The following PIP5K1B variants were observed in gnomAD, a reference collection of about 807,000 sequenced individuals.
PIP5K1B encodes phosphatidylinositol-4-phosphate 5-kinase type 1 beta.
PIP5K1B carries 42 observed loss-of-function variants against 67.0 expected under a neutral mutation model. The observed-to-expected ratio is 0.63, with a 90% CI of 0.49 to 0.81. The LOEUF is 0.81. Ranked by LOEUF, PIP5K1B falls within the 30% of genes least tolerant of loss-of-function variation. The pLI, the probability that PIP5K1B is intolerant of heterozygous loss-of-function variation, is 0.00. For missense variants in PIP5K1B, 459 were observed against 646.3 expected (o/e 0.71, Z 3.14); for synonymous variants, 214 against 231.4 (o/e 0.92, Z 0.68).
intron 4 of PIP5K1B, among the ~76,000 whole-genome samples, chr9:68,859,453 G>A (rs1445662869): frequency 6.6e-6 from 1 of 152,098 alleles, no homozygotes; most frequent in Non-Finnish European, 1.5e-5. Flanking sequence ...GCAAAAACCT[G>A]AATTAAAAAT....
intron 4 of PIP5K1B, among the ~76,000 whole-genome samples, chr9:68,861,902 GT>G (rs78242259): frequency 0.12 from 17,940 of 145,604 alleles, 1,196 homozygotes; most frequent in Middle Eastern, 0.17. Context: ...TTTGTTTTTT[GT>G]TTTTTTTTTT....
chr9:68,929,450 G>A (rs1826882306), intron 12 of PIP5K1B, among the ~76,000 whole-genome samples: 2 of 152,178 alleles, frequency 1.3e-5, no homozygotes, highest in African/African-American at 4.8e-5. Context: ...TCAACGATCT[G>A]TCTCTCTTCA....
At chr9:68,857,645 C>T (rs1288218861) in intron 4 of PIP5K1B, among the ~76,000 whole-genome samples, 1 of 152,136 alleles carries the variant, frequency 6.6e-6, no homozygotes, top group Admixed American at 6.6e-5. Context: ...GCAGGAGAAT[C>T]TCTTGAGGTC....
rs538923281 is a variant in PIP5K1B, at chr9:68,759,370, T to C, written c.-86+16713T>C. 2.6e-5 allele frequency among the ~76,000 whole-genome samples: 4 copies of C among 152,244 alleles called. No homozygotes were observed. The South Asian group carries it at 8.3e-4, about 32-fold the overall frequency. On this transcript the variant is annotated intron_variant, in intron 2 of 15. Transcript: ENST00000265382. ...TTACATTCCAGTTGAAGTGGTAAGA[T>C]ACTCTTAAGTAGACTGTTAAAAATT...
Position 68,888,991 on chromosome 9 carries a change from G to A in PIP5K1B, c.329G>A (p.Cys110Tyr). The A allele has an allele frequency of 6.2e-7, 1 of 1,607,734 alleles. No individual in the cohort carries two copies. The highest frequency in any genetic ancestry group is 1.3e-5 in the African/African-American group (1 of 74,914). ...IKPDDYLYSI[C>Y]SEPLIELSNP... ...CATTTACCCTTTTAGTATTCCATCTGCAGTGAACCTCTAATAGAACTGTCT... is the reference window on the plus strand; with the variant it reads ...CATTTACCCTTTTAGTATTCCATCTACAGTGAACCTCTAATAGAACTGTCT... The change falls in exon 7 of 16, where the codon TGC becomes TAC. Residue 110 changes from cysteine to tyrosine, a missense_variant. Physicochemically the swap from Cys to Tyr is radical, Grantham distance 194. Around this residue, in one of 2 missense-constraint regions of PIP5K1B, gnomAD observed 290 missense variants for 474.4 expected, o/e 0.61. Transcript: ENST00000265382.
intron 8 of PIP5K1B, among the ~76,000 whole-genome samples, chr9:68,913,428 T>G (rs1394112596): frequency 6.6e-6 from 1 of 152,232 alleles, no homozygotes; most frequent in African/African-American, 2.4e-5. Context: ...CTCACACATG[T>G]TAAGTTGTTG....
At chr9:68,774,837 A>G (rs962668434) in intron 2 of PIP5K1B, among the ~76,000 whole-genome samples, 1 of 152,206 alleles carries the variant, frequency 6.6e-6, no homozygotes. Context: ...TCATCAATGT[A>G]GATTCTACTG....
chr9:68,966,167 GAATA>G (rs1166697215), intron 14 of PIP5K1B, among the ~76,000 whole-genome samples: 1 of 151,840 alleles, frequency 6.6e-6, no homozygotes, highest in Non-Finnish European at 1.5e-5. Flanking sequence ...ATATATGATT[GAATA>G]AATAAATAAA....
intron 2 of PIP5K1B, among the ~76,000 whole-genome samples, chr9:68,804,413 G>A (rs564623727): frequency 2.0e-5 from 3 of 152,058 alleles, no homozygotes; most frequent in African/African-American, 4.8e-5. Flanking sequence ...ACCATTCCTC[G>A]GGGAGGCAGG....
At chr9:68,945,458 T>A (rs970401319) in intron 14 of PIP5K1B, among the ~76,000 whole-genome samples, 1 of 152,232 alleles carries the variant, frequency 6.6e-6, no homozygotes, top group Non-Finnish European at 1.5e-5. Context: ...TGGGCTTACG[T>A]TAATGTCTAC....
chr9:68,737,708 T>A (rs1318484837), intron 1 of PIP5K1B, among the ~76,000 whole-genome samples: 1 of 152,210 alleles, frequency 6.6e-6, no homozygotes, highest in Non-Finnish European at 1.5e-5. Flanking sequence ...TATATAGCTT[T>A]TGACAAAGTT....
intron 14 of PIP5K1B, chr9:68,963,218 A>C (rs1397067142): frequency 2.2e-6 from 1 of 456,154 alleles, no homozygotes; most frequent in African/African-American, 2.0e-5. Context: ...TAAACTAAGC[A>C]AGCAGTCCTG....
At chr9:68,784,414 A>G (rs1348269679) in intron 2 of PIP5K1B, 1 of 167,070 alleles carries the variant, frequency 6.0e-6, no homozygotes. Context: ...ATCATTAAAG[A>G]TCATTAACTC....
At chr9:68,860,320 C>T (rs1046685525) in intron 4 of PIP5K1B, among the ~76,000 whole-genome samples, 1 of 151,912 alleles carries the variant, frequency 6.6e-6, no homozygotes, top group Non-Finnish European at 1.5e-5. Context: ...TTAATTTTTA[C>T]ACAGACCTGG....
chr9:68,954,866 A>C (rs1226349810), intron 14 of PIP5K1B, among the ~76,000 whole-genome samples: 1 of 152,230 alleles, frequency 6.6e-6, no homozygotes, highest in Non-Finnish European at 1.5e-5. Context: ...GGGCAGGTCC[A>C]TGGTCAAGTG....
In PIP5K1B at chr9:68,826,922, T is replaced by G. The variant is rs144743825; in HGVS notation, c.69+4239T>G. Among the ~76,000 whole-genome samples the G allele has an allele frequency of 1.9e-4, 19 of 102,522 alleles. No homozygotes were observed. The East Asian group carries it at 4.8e-3, about 26-fold the overall frequency. The allele number at this position is 102,522 out of a possible 152,430, so 67.3% of individuals were successfully genotyped here. A position where few individuals can be genotyped will look rare whatever the true frequency, so the allele number is the denominator to read the frequency against. On this transcript the variant is annotated intron_variant, in intron 4 of 15. Transcript: ENST00000265382. Reference sequence around the variant, plus strand: ...GCATGCCGCCACGCCTGGCTAATTTTTTGTATTTTAGTTGAGATGGGGTTT... The same window carrying G: ...GCATGCCGCCACGCCTGGCTAATTTGTTGTATTTTAGTTGAGATGGGGTTT...
rs1432428019 is a variant in PIP5K1B at position 68,943,022 on chromosome 9, T to C, written c.1502+2232T>C. On this transcript the variant is annotated intron_variant, in intron 14 of 15. Coordinates refer to ENST00000265382, the MANE Select transcript of PIP5K1B (RefSeq NM_003558.4). Reference sequence around the variant, plus strand: ...CACTGTAGCAGGACCCACAGTCAAGTTGGTGCCTGCCAATGAGATGCAACC... The same window carrying C: ...CACTGTAGCAGGACCCACAGTCAAGCTGGTGCCTGCCAATGAGATGCAACC... Among the ~76,000 whole-genome samples the C allele has an allele frequency of 5.9e-5, 9 of 152,308 alleles. No individual in the cohort carries two copies. The South Asian group carries it at 1.7e-3, about 28-fold the overall frequency.
intron 8 of PIP5K1B, among the ~76,000 whole-genome samples, chr9:68,915,156 A>G (rs1035529939): frequency 2.6e-5 from 4 of 152,212 alleles, no homozygotes; most frequent in African/African-American, 7.2e-5. Context: ...CTGAGACACA[A>G]GGAGATGATG....
chr9:69,004,417 G>A (rs1189704826), intron 15 of PIP5K1B, among the ~76,000 whole-genome samples: 1 of 151,924 alleles, frequency 6.6e-6, no homozygotes, highest in Non-Finnish European at 1.5e-5. Context: ...TCCAGGGTCT[G>A]TAGTCTCTGA....
Sources: allele counts gnomAD v4.1 joint callset (sites outside exome capture counted in the v4.1 genomes callset), GRCh38; gene constraint gnomAD v4.1.1; regional missense constraint gnomAD v4.1.1; transcripts MANE v1.5; gene names NCBI Gene and HGNC (gene_info 2026-07-23, HGNC 2026-07-21).